Variants in L2HGDH observed in about 807,000 individuals in gnomAD.
L2HGDH encodes the protein L-2-hydroxyglutarate dehydrogenase, mitochondrial.
L2HGDH carries 34 observed loss-of-function variants against 51.5 expected under a neutral mutation model. The observed-to-expected ratio is 0.66, with a 90% CI of 0.50 to 0.88. The LOEUF is 0.88. Among genes scored for constraint, L2HGDH ranks in the 40% least tolerant of loss-of-function variants. The pLI is 0.00. For synonymous variants in L2HGDH, 198 were observed against 197.9 expected, an observed-to-expected ratio of 1.00 and a Z score of -0.01; for missense variants, 558 against 571.9, an observed-to-expected ratio of 0.98 and a Z score of 0.25.
chr14:50,295,066 C>G (rs576857135), intron 3 of L2HGDH, among the ~76,000 whole-genome samples: 1 of 152,124 alleles, frequency 6.6e-6, no homozygotes, highest in South Asian at 2.1e-4. Context: ...ACAACCCACA[C>G]AATGAGAAAA....
intron 9 of L2HGDH, among the ~76,000 whole-genome samples, chr14:50,252,734 A>G (rs1291034577): frequency 2.0e-5 from 3 of 152,114 alleles, no homozygotes; most frequent in African/African-American, 7.2e-5. Context: ...CAGCAAGAGG[A>G]CATAATGATT....
At chr14:50,282,819 T>C (rs992508880) in intron 5 of L2HGDH, among the ~76,000 whole-genome samples, 2 of 151,908 alleles carry the variant, frequency 1.3e-5, no homozygotes, top group Admixed American at 6.6e-5. Context: ...AGTGGGCAGA[T>C]CACTTGAGTC....
rs531372992 is a variant in L2HGDH, at chr14:50,290,645, A to G, written c.540+3470T>C. Among the ~76,000 whole-genome samples the G allele has an allele frequency of 3.3e-5, 5 of 152,124 alleles. No individual in the cohort carries two copies. In the South Asian group the frequency reaches 1.0e-3, roughly 32 times the overall value. Reference sequence around the variant, plus strand: ...TGCGGTTGTATTTCAATAAAACTTTACGGACACTGAAATTTGAATTTCATA... The same window carrying G: ...TGCGGTTGTATTTCAATAAAACTTTGCGGACACTGAAATTTGAATTTCATA... On this transcript the variant is annotated intron_variant, in intron 4 of 9. Transcript: ENST00000267436.
At chr14:50,299,115 T>C in intron 3 of L2HGDH, among the ~76,000 whole-genome samples, 1 of 152,040 alleles carries the variant, frequency 6.6e-6, no homozygotes, top group Middle Eastern at 3.4e-3. Flanking sequence ...CCCGGATAAA[T>C]AAAATCAGAG....
chr14:50,311,930 G>T (rs2031229077), intron 1 of L2HGDH, 81 bp downstream of exon 1: 2 of 1,520,594 alleles, frequency 1.3e-6, no homozygotes, highest in South Asian at 1.2e-5. Flanking sequence ...AGGGAAATAC[G>T]AACAGGGGCA....
chr14:50,300,702 G>C (rs2030360329), intron 3 of L2HGDH, among the ~76,000 whole-genome samples: 1 of 152,170 alleles, frequency 6.6e-6, no homozygotes, highest in Non-Finnish European at 1.5e-5. Flanking sequence ...GCTCACATCT[G>C]TAATCCCAGC....
chr14:50,285,322 C>T (rs1440058176), intron 4 of L2HGDH, among the ~76,000 whole-genome samples: 1 of 152,228 alleles, frequency 6.6e-6, no homozygotes, highest in Non-Finnish European at 1.5e-5. Context: ...AGGGTAAAGA[C>T]TCCCAAAACA....
At chr14:50,310,445 A>G (rs572599545) in intron 1 of L2HGDH, among the ~76,000 whole-genome samples, 1 of 152,100 alleles carries the variant, frequency 6.6e-6, no homozygotes, top group South Asian at 2.1e-4. Flanking sequence ...GGTGGCTCAC[A>G]CCTGTAATCT....
chr14:50,277,909 T>C (rs1338943114), intron 6 of L2HGDH, among the ~76,000 whole-genome samples: 3 of 152,124 alleles, frequency 2.0e-5, no homozygotes, highest in African/African-American at 7.2e-5. Context: ...ATACCCACTG[T>C]CCAGTGAATT....
chr14:50,250,073 T>C (rs1424186727), intron 9 of L2HGDH, among the ~76,000 whole-genome samples: 5 of 152,044 alleles, frequency 3.3e-5, no homozygotes, highest in Admixed American at 2.6e-4. Flanking sequence ...AGCTGATTTT[T>C]GTATTTTTAG....
chr14:50,267,245 C>T (rs147064953), intron 8 of L2HGDH, among the ~76,000 whole-genome samples: 14,092 of 151,428 alleles, frequency 0.093, 764 homozygotes, highest in Non-Finnish European at 0.12. Context: ...GCAGTGGCAG[C>T]GATCTCAGCT....
chr14:50,267,085 G>A (rs113780820), intron 8 of L2HGDH, among the ~76,000 whole-genome samples: 27 of 152,160 alleles, frequency 1.8e-4, no homozygotes, highest in African/African-American at 6.3e-4. Context: ...TGGAAACTTA[G>A]CAATACAAGA....
chr14:50,302,205 T>C lies in L2HGDH; in HGVS notation c.257-37A>G, dbSNP rs770668220. 27 of 1,606,314 alleles carry C rather than the reference T, an allele frequency of 1.7e-5. 1 individual carries two copies. In the South Asian group the frequency reaches 2.2e-4, roughly 13 times the overall value. On this transcript the variant is annotated intron_variant, in intron 2 of 9. Coordinates refer to ENST00000267436, the MANE Select transcript of L2HGDH (RefSeq NM_024884.3). Reference sequence around the variant, plus strand: ...GAGAAACAGGGTAAGAGTAAGTACATGATTCATACAAAACATAAGAGGTAA... The same window carrying C: ...GAGAAACAGGGTAAGAGTAAGTACACGATTCATACAAAACATAAGAGGTAA...
rs1398778589 is a variant in L2HGDH at position 50,283,786 on chromosome 14, T to C, written c.703+85A>G. On this transcript the variant is annotated intron_variant, in intron 5 of 9. Transcript: ENST00000267436. ...TGTTTTTTTTCCCAAATATTTTTCA[T>C]CCTCAGTTGGTTAAAACCACAGATG... 5.5e-6 allele frequency: 6 copies of C among 1,093,488 alleles called. No homozygotes were observed. In the East Asian group the frequency reaches 1.4e-4, roughly 26 times the overall value. The allele number at this position is 1,093,488 out of a possible 1,614,324, so 67.7% of individuals were successfully genotyped here.
At chr14:50,293,166 T>C (rs1308699796) in intron 4 of L2HGDH, 10 of 694,138 alleles carry the variant, frequency 1.4e-5, no homozygotes, top group Non-Finnish European at 2.6e-5. Context: ...GAAGAGGCAA[T>C]GGAACAGAAT....
chr14:50,291,665 T>TA (rs752979305), intron 4 of L2HGDH, among the ~76,000 whole-genome samples: 6 of 152,174 alleles, frequency 3.9e-5, no homozygotes, highest in African/African-American at 7.2e-5. Context: ...ACTTTAACTT[T>TA]ACAACTAGAG....
At position 50,242,595 on chromosome 14, in the gene L2HGDH, G is replaced by T; in HGVS notation, c.*4463C>A. 1 of 984,916 alleles carries T rather than the reference G, an allele frequency of 1.0e-6. No homozygotes were observed. 61.0% of individuals were successfully genotyped at this position (984,916 alleles called of 1,614,324 possible). ...CACTGTTCTTCCCTTCAGGGCTTCA[G>T]GGTTTATTTCCATTCTTAAGCTATT... On this transcript the variant is annotated 3_prime_UTR_variant, in exon 10 of 10. Transcript: ENST00000267436.
At chr14:50,258,674 C>G (rs1231077367) in intron 9 of L2HGDH, among the ~76,000 whole-genome samples, 1 of 151,868 alleles carries the variant, frequency 6.6e-6, no homozygotes, top group Admixed American at 6.6e-5. Flanking sequence ...CCACCACACC[C>G]AGCTAGTTTT....
chr14:50,287,169 C>G (rs558650264), intron 4 of L2HGDH: 2 of 984,064 alleles, frequency 2.0e-6, no homozygotes, highest in African/African-American at 3.5e-5. Context: ...TCTCACTGAC[C>G]TCATTCCAAG....
Sources: gnomAD v4.1 joint callset for allele counts (sites outside exome capture counted in the v4.1 genomes callset) on GRCh38, gnomAD v4.1.1 for gene constraint, MANE v1.5 for transcripts, NCBI Gene and HGNC (gene_info 2026-07-23, HGNC 2026-07-21) for gene names.